The following DHDDS variants were observed in gnomAD, a reference collection of about 807,000 sequenced individuals.
DHDDS encodes the protein dehydrodolichyl diphosphate synthase complex subunit DHDDS.
In DHDDS, 16 loss-of-function variants were observed where a neutral mutation model predicts 46.2. The ratio of observed to expected loss-of-function variants is 0.35; its 90% CI spans 0.23 to 0.53. The LOEUF is 0.53. Among genes scored for constraint, DHDDS ranks in the 20% least tolerant of loss-of-function variants. The pLI, the probability that DHDDS is intolerant of heterozygous loss-of-function variation, is 0.94. For missense variants in DHDDS, 340 were observed against 423.7 expected, an observed-to-expected ratio of 0.80 and a Z score of 1.73; for synonymous variants, 151 against 163.1, an observed-to-expected ratio of 0.93 and a Z score of 0.56.
chr1:26,471,150 G>A lies in DHDDS; in HGVS notation c.*2019G>A, dbSNP rs1313752101. 1 of 152,232 alleles carries A rather than the reference G, an allele frequency of 6.6e-6. No homozygotes were observed. Among genetic ancestry groups the A allele is most frequent in the Non-Finnish European group, 1.5e-5 (1 of 68,066 alleles). 9.4% of individuals were successfully genotyped at this position (152,232 alleles called of 1,614,324 possible). A position where few individuals can be genotyped will look rare whatever the true frequency, so the allele number is the denominator to read the frequency against. ...ACTCGTGGTTGCTTTGGACAGGTGT[G>A]ATTTGTGCAAGCCAGGTTCAACCCT... On this transcript the variant is annotated 3_prime_UTR_variant, in exon 9 of 9. Coordinates refer to ENST00000236342, the MANE Select transcript of DHDDS (RefSeq NM_205861.3).
At chr1:26,465,090 G>C (rs1168179863) in intron 8 of DHDDS, among the ~76,000 whole-genome samples, 1 of 152,158 alleles carries the variant, frequency 6.6e-6, no homozygotes, top group African/African-American at 2.4e-5. Flanking sequence ...GCCAGGGAGG[G>C]GGTGTGCGGC....
chr1:26,452,520 G>A (rs2075331542), intron 6 of DHDDS, among the ~76,000 whole-genome samples: 1 of 152,192 alleles, frequency 6.6e-6, no homozygotes, highest in African/African-American at 2.4e-5. Context: ...TAAAACAATA[G>A]TGTTAATAGT....
intron 4 of DHDDS, among the ~76,000 whole-genome samples, chr1:26,444,191 T>C (rs2075245117): frequency 6.6e-6 from 1 of 152,250 alleles, no homozygotes; most frequent in South Asian, 2.1e-4. Context: ...GGTCTTCGTT[T>C]ATCATGAAGT....
chr1:26,468,281 T>C (rs996843083), intron 8 of DHDDS, among the ~76,000 whole-genome samples: 8 of 152,160 alleles, frequency 5.3e-5, no homozygotes, highest in Non-Finnish European at 8.8e-5. Context: ...GAGGCAAGTC[T>C]GGAGCTCTGA....
chr1:26,437,778 C>T (rs1416636669), intron 2 of DHDDS, among the ~76,000 whole-genome samples: 5 of 150,324 alleles, frequency 3.3e-5, no homozygotes, highest in Admixed American at 2.0e-4. Context: ...GCCCGGCCGA[C>T]CCCATCTCTT....
chr1:26,454,384 G>C (rs2075350762), intron 6 of DHDDS, among the ~76,000 whole-genome samples: 2 of 152,074 alleles, frequency 1.3e-5, no homozygotes, highest in South Asian at 4.1e-4. Context: ...GCCTAAAGTA[G>C]GTAGAAGAAA....
In DHDDS at chr1:26,469,354, A is replaced by T; in HGVS notation, c.*223A>T. The T allele has an allele frequency of 1.3e-6, 1 of 765,814 alleles. No individual in the cohort carries two copies. Among genetic ancestry groups the T allele is most frequent in the South Asian group, 1.7e-5 (1 of 58,782 alleles). The allele number at this position is 765,814 out of a possible 1,614,324, so 47.4% of individuals were successfully genotyped here. A position where few individuals can be genotyped will look rare whatever the true frequency, so the allele number is the denominator to read the frequency against. ...GGTGAAAGTCTCCCACGAGTACACT[A>T]AACCTAGGTCTGGTCACCAATAGGG... On this transcript the variant is annotated 3_prime_UTR_variant, in exon 9 of 9. Transcript: ENST00000236342.
At chr1:26,457,624 T>C (rs369874136) in intron 6 of DHDDS, among the ~76,000 whole-genome samples, 167 bp from the exon 7 acceptor site, 2 of 151,610 alleles carry the variant, frequency 1.3e-5, no homozygotes, top group African/African-American at 4.9e-5. Context: ...ATTCATTCAT[T>C]AATTTAGCAA....
intron 5 of DHDDS, 102 bp downstream of exon 5, chr1:26,446,534 G>A: frequency 9.2e-7 from 1 of 1,088,038 alleles, no homozygotes; most frequent in East Asian, 2.4e-5. Context: ...TTGGTGCAAG[G>A]GGCAATGAGA....
At chr1:26,454,532 A>C in intron 6 of DHDDS, 1 of 560,028 alleles carries the variant, frequency 1.8e-6, no homozygotes. Context: ...CAAATCTATT[A>C]TTTCATTTGA....
At chr1:26,457,026 A>T (rs943420776) in intron 6 of DHDDS, among the ~76,000 whole-genome samples, 12 of 152,198 alleles carry the variant, frequency 7.9e-5, no homozygotes, top group Non-Finnish European at 1.2e-4. Context: ...TATGTATTTT[A>T]AAAAACAAGA....
At chr1:26,432,692 G>C in intron 1 of DHDDS, 199 bp from the exon 2 acceptor site, 1 of 537,342 alleles carries the variant, frequency 1.9e-6, no homozygotes, top group African/African-American at 1.9e-5. Context: ...TGCAAAGCCA[G>C]GAGAACCGAG....
intron 2 of DHDDS, among the ~76,000 whole-genome samples, chr1:26,437,412 G>A (rs1391991914): frequency 6.6e-6 from 1 of 151,938 alleles, no homozygotes; most frequent in Non-Finnish European, 1.5e-5. Flanking sequence ...TCGGGAGGCT[G>A]ATGAAGGAGG....
intron 6 of DHDDS, among the ~76,000 whole-genome samples, chr1:26,453,367 A>G (rs997340600): frequency 1.3e-5 from 2 of 152,200 alleles, no homozygotes; most frequent in African/African-American, 4.8e-5. Context: ...CCACAATTAA[A>G]TCTTTGACTG....
At chr1:26,467,139 T>C (rs561790676) in intron 8 of DHDDS, 24 of 303,782 alleles carry the variant, frequency 7.9e-5, no homozygotes, top group African/African-American at 5.0e-4. Context: ...TCAGCCACAC[T>C]TGCTTTCTCC....
At chr1:26,433,858 C>A (rs1375960273) in intron 2 of DHDDS, among the ~76,000 whole-genome samples, 1 of 152,094 alleles carries the variant, frequency 6.6e-6, no homozygotes, top group Non-Finnish European at 1.5e-5. Context: ...GCCTTAGCCT[C>A]CCAAGTAGCT....
At chr1:26,435,419 G>C (rs2075143898) in intron 2 of DHDDS, among the ~76,000 whole-genome samples, 1 of 144,182 alleles carries the variant, frequency 6.9e-6, no homozygotes, top group Admixed American at 7.1e-5. Flanking sequence ...CTAGAGGTCA[G>C]GAATTAGTGC....
intron 8 of DHDDS, among the ~76,000 whole-genome samples, chr1:26,466,566 A>G (rs1355227685): frequency 6.6e-6 from 1 of 152,242 alleles, no homozygotes; most frequent in African/African-American, 2.4e-5. Flanking sequence ...CTATCTGAAC[A>G]ATGAACTGCT....
In DHDDS at chr1:26,447,565, C is replaced by G. The variant is rs752178339; in HGVS notation, c.447C>G (p.Phe149Leu). The change falls in exon 6 of 9, where the codon TTC becomes TTG. Residue 149 changes from phenylalanine (F) to leucine (L), a missense_variant. Phe to Leu is a conservative substitution (Grantham distance 22). Coordinates refer to ENST00000236342, the MANE Select transcript of DHDDS (RefSeq NM_205861.3). ...TCTCTTCTTCCCTCCTCAGGTGTTTCCTGAATGTCTGTTTTGCATACACAT... is the reference window on the plus strand; with the variant it reads ...TCTCTTCTTCCCTCCTCAGGTGTTTGCTGAATGTCTGTTTTGCATACACAT... ...VQATKNYNKC[F>L]LNVCFAYTSR... 6.2e-7 allele frequency: 1 copy of G among 1,614,028 alleles called. No individual in the cohort carries two copies. Among genetic ancestry groups the G allele is most frequent in the South Asian group, 1.1e-5 (1 of 91,074 alleles).
Sources: allele counts gnomAD v4.1 joint callset (sites outside exome capture counted in the v4.1 genomes callset), GRCh38; gene constraint gnomAD v4.1.1; transcripts MANE v1.5; gene names NCBI Gene and HGNC (gene_info 2026-07-23, HGNC 2026-07-21).